The following KCNA6 variants were observed in gnomAD, a reference collection of about 807,000 sequenced individuals.
The protein encoded by KCNA6 is potassium voltage-gated channel subfamily A member 6.
In KCNA6, 17 loss-of-function variants were observed where a neutral mutation model predicts 29.5. That is an observed-to-expected ratio of 0.58 (90% CI 0.39 to 0.86). The LOEUF (loss-of-function observed/expected upper bound fraction) is 0.86. Among genes scored for constraint, KCNA6 ranks in the 40% least tolerant of loss-of-function variants. KCNA6 has a pLI of 0.00. For missense variants in KCNA6, 450 were observed against 703.4 expected (o/e 0.64, Z 4.07); for synonymous variants, 296 against 304.7 (o/e 0.97, Z 0.30).
At chr12:4,812,636 G>A (rs555815108) in exon 1 of KCNA6, 4 of 167,170 alleles carry the variant, frequency 2.4e-5, no homozygotes, top group African/African-American at 9.6e-5. Context: ...TGCTTCCTGG[G>A]AGTTTGATTT....
chr12:4,816,524 C>T (rs1484013467), downstream of KCNA6, among the ~76,000 whole-genome samples: 1 of 152,032 alleles, frequency 6.6e-6, no homozygotes, highest in East Asian at 1.9e-4. Context: ...AAAAAAACTC[C>T]AAGAAAAGTT....
rs1352954679 is a variant in KCNA6, at chr12:4,810,891, G to A, written c.850G>A (p.Ala284Thr). 6 of 1,613,884 alleles carry A rather than the reference G, an allele frequency of 3.7e-6. No homozygotes were observed. In the East Asian group the frequency reaches 6.7e-5, roughly 18 times the overall value. The change falls in exon 1 of 1, where the codon GCC (alanine) becomes ACC (threonine). Residue 284 changes from alanine (A) to threonine (T), a missense_variant. Physicochemically the swap from Ala to Thr is moderately conservative, Grantham distance 58. Around this residue, in one of 7 missense-constraint regions of KCNA6, gnomAD observed 46 missense variants for 80.2 expected, o/e 0.57. Transcript: ENST00000280684. The surrounding 1 kb of genome is among the most constrained non-coding windows in gnomAD (Gnocchi z 7.5). ...TTTTGAGCTCCTGGTGCGCTTCTCC[G>A]CCTGCCCTAGCAAGCCGGCCTTCTT...
the KCNA6 span, among the ~76,000 whole-genome samples, chr12:4,831,386 C>T: frequency 6.6e-6 from 1 of 152,178 alleles, no homozygotes; most frequent in African/African-American, 2.4e-5. Flanking sequence ...ACCTGCTTGA[C>T]CCCGTCCTGC....
the KCNA6 span, among the ~76,000 whole-genome samples, chr12:4,827,226 TTCC>T: frequency 8.5e-5 from 12 of 141,124 alleles, no homozygotes; most frequent in African/African-American, 2.4e-4. Context: ...CCTTCCTTCC[TTCC>T]TCCTTCCTTC....
rs767556152 is a variant in KCNA6, at chr12:4,810,510, C to A, written c.469C>A (p.Gln157Lys). The stretch of plus-strand genomic sequence containing the variant: ...GAAGCCGCTGCCCTCCCAGCCCTTC[C>A]AGCGCCAGGTGTGGCTGCTCTTTGA... The change falls in exon 1 of 1, where the codon CAG (glutamine) becomes AAG (lysine). Residue 157 changes from glutamine (Q) to lysine (K), a missense_variant. Gln to Lys is a moderately conservative substitution (Grantham distance 53). Coordinates refer to ENST00000280684, the Ensembl canonical transcript of KCNA6. The surrounding 1 kb of genome is among the most constrained non-coding windows in gnomAD (Gnocchi z 7.5). The A allele has an allele frequency of 1.9e-6, 3 of 1,614,184 alleles. No individual in the cohort carries two copies. In the South Asian group the frequency reaches 3.3e-5, roughly 18 times the overall value.
chr12:4,820,883 C>T, the KCNA6 span, among the ~76,000 whole-genome samples: 1 of 152,104 alleles, frequency 6.6e-6, no homozygotes, highest in South Asian at 2.1e-4. Context: ...GATTCTTTAA[C>T]CTCTTAAGGC....
At chr12:4,832,055 G>C in the KCNA6 span, among the ~76,000 whole-genome samples, 2 of 152,116 alleles carry the variant, frequency 1.3e-5, no homozygotes, top group African/African-American at 4.8e-5. Flanking sequence ...CTCCTTCCTA[G>C]TGCTCTGATT....
rs775185499 is a variant in KCNA6 at position 4,811,479 on chromosome 12, G to A, written c.1438G>A (p.Val480Ile). The A allele has an allele frequency of 1.5e-5, 24 of 1,614,048 alleles. No homozygotes were observed. The Admixed American group carries it at 1.5e-4, about 10-fold the overall frequency. The change falls in exon 1 of 1, where the codon GTC becomes ATC. Residue 480 changes from valine to isoleucine, a missense_variant. Physicochemically the swap from Val to Ile is conservative, Grantham distance 29. Transcript: ENST00000280684. This position sits in a 1 kb window ranked among gnomAD's most constrained non-coding sequence, Gnocchi z 7.1. ...GGAGGAGCAAGGCCAGTATACCCAC[G>A]TCACTTGTGGGCAGCCTGCGCCGGA...
the KCNA6 span, among the ~76,000 whole-genome samples, chr12:4,838,275 A>G: frequency 6.6e-6 from 1 of 152,120 alleles, no homozygotes; most frequent in South Asian, 2.1e-4. Context: ...TTGAGTGGAG[A>G]TGTTTGACGA....
the KCNA6 span, among the ~76,000 whole-genome samples, chr12:4,826,111 C>A: frequency 6.6e-6 from 1 of 152,202 alleles, no homozygotes; most frequent in Non-Finnish European, 1.5e-5. Flanking sequence ...TCAAGTGTGA[C>A]ATTTGTCCTT....
the KCNA6 span, among the ~76,000 whole-genome samples, chr12:4,837,507 G>T: frequency 6.6e-6 from 1 of 152,076 alleles, no homozygotes; most frequent in African/African-American, 2.4e-5. Context: ...CAACCTGTGG[G>T]ATCTGATGCT....
the KCNA6 span, among the ~76,000 whole-genome samples, chr12:4,834,528 G>C: frequency 6.6e-6 from 1 of 152,202 alleles, no homozygotes; most frequent in Non-Finnish European, 1.5e-5. Flanking sequence ...GGTGGTAAAT[G>C]GTAGAAGCGG....
At chr12:4,828,014 T>C in the KCNA6 span, among the ~76,000 whole-genome samples, 1 of 152,194 alleles carries the variant, frequency 6.6e-6, no homozygotes, top group Admixed American at 6.5e-5. Context: ...TTTAGAAAAG[T>C]ATAAGGGAGA....
the KCNA6 span, among the ~76,000 whole-genome samples, chr12:4,835,452 A>T: frequency 6.6e-6 from 1 of 151,958 alleles, no homozygotes; most frequent in Non-Finnish European, 1.5e-5. Flanking sequence ...TTTTTTTTAA[A>T]TTATTTTTTT....
the KCNA6 span, among the ~76,000 whole-genome samples, chr12:4,835,619 C>A: frequency 6.6e-6 from 1 of 152,094 alleles, no homozygotes; most frequent in Non-Finnish European, 1.5e-5. Context: ...ACTCTCCCAC[C>A]AGGAGACTTC....
At chr12:4,849,456 T>G in the KCNA6 span, among the ~76,000 whole-genome samples, 1 of 150,366 alleles carries the variant, frequency 6.7e-6, no homozygotes, top group African/African-American at 2.4e-5. Flanking sequence ...TTTCACCTGA[T>G]GGCCACTGGA....
At chr12:4,817,426 T>C (rs1488325880), downstream of KCNA6, among the ~76,000 whole-genome samples, 1 of 152,152 alleles carries the variant, frequency 6.6e-6, no homozygotes, top group Admixed American at 6.5e-5. Flanking sequence ...CTCTGTGGGG[T>C]TGGGAATGGT....
chr12:4,827,367 ATAAACATTCCTTGGTT>A, the KCNA6 span, among the ~76,000 whole-genome samples: 1 of 151,956 alleles, frequency 6.6e-6, no homozygotes, highest in South Asian at 2.1e-4. Context: ...GTGTTGCAAA[ATAAACATTCCTTGGTT>A]TTGGCCGTTT....
Position 4,811,726 on chromosome 12 carries a change from T to C in KCNA6, c.*95T>C. 7.0e-7 allele frequency: 1 copy of C among 1,422,662 alleles called. No individual in the cohort carries two copies. Among genetic ancestry groups the C allele is most frequent in the Non-Finnish European group, 9.6e-7 (1 of 1,043,058 alleles). 88.1% of individuals were successfully genotyped at this position (1,422,662 alleles called of 1,614,324 possible). A position where few individuals can be genotyped will look rare whatever the true frequency, so the allele number is the denominator to read the frequency against. ...ACTACTCACTCTAGCTTCAGTTGAC[T>C]TCTTGACTCTCTCCCCTACACCCAC... On this transcript the variant is annotated 3_prime_UTR_variant, in exon 1 of 1. Coordinates refer to ENST00000280684, the Ensembl canonical transcript of KCNA6. The surrounding 1 kb of genome is among the most constrained non-coding windows in gnomAD (Gnocchi z 7.1).
Sources: gnomAD v4.1 joint callset for allele counts (sites outside exome capture counted in the v4.1 genomes callset) on GRCh38, gnomAD v4.1.1 for gene constraint, gnomAD v4.1.1 regional missense constraint, Gnocchi (gnomAD v3.1) non-coding constraint, MANE v1.5 for transcripts, NCBI Gene and HGNC (gene_info 2026-07-23, HGNC 2026-07-21) for gene names.